Variants in SPC25 observed in about 807,000 individuals in gnomAD.
SPC25 encodes SPC25 component of NDC80 kinetochore complex.
In SPC25, 22 loss-of-function variants were observed where a neutral mutation model predicts 29.6. That is an observed-to-expected ratio of 0.74 (90% CI 0.53 to 1.06). The LOEUF (loss-of-function observed/expected upper bound fraction) is 1.06. SPC25 is among the 50% of genes least tolerant of loss of function. SPC25 has a pLI of 0.00. For synonymous variants in SPC25, 91 were observed against 90.4 expected (o/e 1.01, Z -0.04); for missense variants, 230 against 255.8 (o/e 0.90, Z 0.69).
chr2:168,885,203 A>G (rs1305552137), intron 3 of SPC25, among the ~76,000 whole-genome samples: 1 of 152,026 alleles, frequency 6.6e-6, no homozygotes, highest in East Asian at 1.9e-4. Context: ...CTCTCTTTCA[A>G]TCCCTCACTT....
chr2:168,863,768 C>T (rs1019611983), intron 4 of SPC25: 1 of 513,408 alleles, frequency 1.9e-6, no homozygotes, highest in African/African-American at 2.1e-5. Flanking sequence ...CTTATAGCAG[C>T]CAACACGCCA....
intron 6 of SPC25, among the ~76,000 whole-genome samples, chr2:168,872,589 A>C (rs548077432): frequency 6.6e-6 from 1 of 152,286 alleles, no homozygotes; most frequent in South Asian, 2.1e-4. Flanking sequence ...CAGAGAAACA[A>C]CAGCAAAGGG....
rs1689992393 is a variant in SPC25, at chr2:168,871,647, T to G, written c.551-92A>C. On this transcript the variant is annotated intron_variant, in intron 6 of 6. Coordinates refer to ENST00000282074, the MANE Select transcript of SPC25 (RefSeq NM_020675.4). ...CTAATCTAGATGCTCTCATCTGGTT[T>G]GAATGTCAATTCCATCTTAATGAAA... The G allele has an allele frequency of 4.3e-5, 50 of 1,156,538 alleles. No homozygotes were observed. The East Asian group carries it at 1.3e-3, about 30-fold the overall frequency. 71.6% of individuals were successfully genotyped at this position (1,156,538 alleles called of 1,614,324 possible).
chr2:168,878,119 G>A lies in SPC25; in HGVS notation c.200-735C>T, dbSNP rs142592320. Among the ~76,000 whole-genome samples the A allele has an allele frequency of 2.1e-3, 318 of 152,262 alleles. 2 individuals are homozygous for A. Among genetic ancestry groups the A allele is most frequent in the African/African-American group, 7.5e-3 (310 of 41,542 alleles). On this transcript the variant is annotated intron_variant, in intron 3 of 6. Transcript: ENST00000282074. ...GAAATAAGTGAAGGAAGACAGGTGG[G>A]CAGGCAAAGCTTACAATGTAAGCAT...
chr2:168,875,251 C>T (rs1279997978), intron 5 of SPC25, among the ~76,000 whole-genome samples: 1 of 152,120 alleles, frequency 6.6e-6, no homozygotes, highest in Non-Finnish European at 1.5e-5. Flanking sequence ...AACAGATGCT[C>T]CTTGACTTAC....
intron 6 of SPC25, 140 bp downstream of exon 6, chr2:168,873,445 T>C (rs1438550083): frequency 3.4e-6 from 2 of 580,880 alleles, no homozygotes; most frequent in African/African-American, 1.9e-5. Context: ...TTTAGAAGAC[T>C]ATACTCCAAG....
chr2:168,877,169 T>C, intron 4 of SPC25, 69 bp downstream of exon 4: 6 of 1,541,222 alleles, frequency 3.9e-6, no homozygotes, highest in Non-Finnish European at 5.3e-6. Flanking sequence ...ACAGGCAAGA[T>C]GTACTTAATA....
At chr2:168,881,027 T>G (rs998664947) in intron 3 of SPC25, among the ~76,000 whole-genome samples, 12 of 152,290 alleles carry the variant, frequency 7.9e-5, no homozygotes, top group Admixed American at 7.2e-4. Context: ...GATGGAAAAA[T>G]GGTGCCCACA....
In SPC25 at chr2:168,871,463, G is replaced by T; in HGVS notation, c.643C>A (p.Arg215=). The change falls in exon 7 of 7, where the codon CGG becomes AGG. Residue 215 remains arginine, a synonymous_variant. Coordinates refer to ENST00000282074, the MANE Select transcript of SPC25 (RefSeq NM_020675.4). ...TAAACCGTGGCAGTAAAAGCTTTCC[G>T]AACATTGGCAAGAAAAGCTGAAAAA... The part of the protein sequence containing the change: ...NNFSAFLANV[R]KAFTATVYN 2 of 1,608,136 alleles carry T rather than the reference G, an allele frequency of 1.2e-6. No individual in the cohort carries two copies. The highest frequency in any genetic ancestry group is 8.5e-7 in the Non-Finnish European group (1 of 1,177,696).
intron 4 of SPC25, chr2:168,865,219 G>A: frequency 2.2e-6 from 1 of 449,046 alleles, no homozygotes; most frequent in Non-Finnish European, 4.0e-6. Flanking sequence ...GGAGACCCTA[G>A]AGATGATCCA....
At position 168,873,453 on chromosome 2, in the gene SPC25, A is replaced by G. The variant is rs1574359107; in HGVS notation, c.550+132T>C. The G allele has an allele frequency of 9.9e-6, 6 of 607,574 alleles. No homozygotes were observed. The East Asian group carries it at 1.4e-4, about 14-fold the overall frequency. 37.6% of individuals were successfully genotyped at this position (607,574 alleles called of 1,614,324 possible). On this transcript the variant is annotated intron_variant, in intron 6 of 6. Transcript: ENST00000282074. ...CACTTCCTTTAGAAGACTATACTCC[A>G]AGAAGCAAGACTGAAAAAGGAAGCA...
At chr2:168,868,499 C>T (rs371991534), downstream of SPC25, among the ~76,000 whole-genome samples, 1,108 of 151,874 alleles carry the variant, frequency 7.3e-3, 9 homozygotes, top group East Asian at 0.055. Flanking sequence ...ATCAAATAGA[C>T]GCAATAAAAA....
chr2:168,870,305 T>G (rs1267205133), downstream of SPC25, among the ~76,000 whole-genome samples: 1 of 151,542 alleles, frequency 6.6e-6, no homozygotes, highest in Non-Finnish European at 1.5e-5. Context: ...GGGCAAGGAT[T>G]TCATGTCTAA....
At chr2:168,879,142 C>A (rs989527463) in intron 3 of SPC25, among the ~76,000 whole-genome samples, 1 of 152,164 alleles carries the variant, frequency 6.6e-6, no homozygotes. Context: ...AGAGTGGTAG[C>A]TGCTGAAGGT....
At chr2:168,863,669 TGTGA>T (rs35922879) in intron 4 of SPC25, 830,085 of 983,124 alleles carry the variant, frequency 0.84, 351,291 homozygotes, top group African/African-American at 0.97. Flanking sequence ...TGTGCAAAGC[TGTGA>T]GTGAGTTAAA....
rs932636990 is a variant in SPC25 at position 168,873,642 on chromosome 2, T to G, written c.493A>C (p.Asn165His). 3 of 1,611,718 alleles carry G rather than the reference T, an allele frequency of 1.9e-6. No homozygotes were observed. The African/African-American group carries it at 4.0e-5, about 22-fold the overall frequency. Reference sequence around the variant, plus strand: ...GAAAACATAAATGGGCTCTCAGGATTCTTAGGGTCAATATTAGTGAAAATA... The same window carrying G: ...GAAAACATAAATGGGCTCTCAGGATGCTTAGGGTCAATATTAGTGAAAATA... ...QFIFTNIDPKNPESPFMFSLH... is the reference protein window; with the variant it reads ...QFIFTNIDPKHPESPFMFSLH... The change falls in exon 6 of 7, where the codon AAT becomes CAT. Residue 165 changes from asparagine (N) to histidine (H), a missense_variant. Physicochemically the swap from Asn to His is moderately conservative, Grantham distance 68. Coordinates refer to ENST00000282074, the MANE Select transcript of SPC25 (RefSeq NM_020675.4).
At chr2:168,869,608 T>C (rs972801627), downstream of SPC25, among the ~76,000 whole-genome samples, 19 of 152,170 alleles carry the variant, frequency 1.2e-4, no homozygotes, top group African/African-American at 4.6e-4. Context: ...CCATTCACAA[T>C]TGCTTCAAAG....
intron 6 of SPC25, among the ~76,000 whole-genome samples, chr2:168,871,984 C>CT (rs35154529): frequency 0.45 from 66,327 of 147,526 alleles, 15,152 homozygotes; most frequent in Non-Finnish European, 0.48. Flanking sequence ...GAACAATTTT[C>CT]TTTTTTTTTG....
chr2:168,865,792 G>T (rs1395007521), intron 4 of SPC25, among the ~76,000 whole-genome samples: 8 of 152,026 alleles, frequency 5.3e-5, no homozygotes, highest in Non-Finnish European at 1.0e-4. Context: ...CAAAATCAAT[G>T]TGCAAACATC....
Sources: allele counts gnomAD v4.1 joint callset (sites outside exome capture counted in the v4.1 genomes callset), GRCh38; gene constraint gnomAD v4.1.1; transcripts MANE v1.5; gene names NCBI Gene and HGNC (gene_info 2026-07-23, HGNC 2026-07-21).